The following SIPA1L1 variants were observed in gnomAD, a reference collection of about 807,000 sequenced individuals.
SIPA1L1 encodes the protein signal induced proliferation associated 1 like 1.
SIPA1L1 carries 26 observed loss-of-function variants against 162.7 expected under a neutral mutation model. That is an observed-to-expected ratio of 0.16 (90% confidence interval 0.12 to 0.22). SIPA1L1 has a LOEUF of 0.22. Ranked by LOEUF, SIPA1L1 falls within the 10% of genes least tolerant of loss-of-function variation. SIPA1L1 has a pLI of 1.00. For missense variants in SIPA1L1, 1,874 were observed against 2,241.0 expected (o/e 0.84, Z 3.31); for synonymous variants, 829 against 837.4 (o/e 0.99, Z 0.17).
At chr14:71,543,248 A>C (rs1172716160) in intron 4 of SIPA1L1, among the ~76,000 whole-genome samples, 1 of 152,144 alleles carries the variant, frequency 6.6e-6, no homozygotes, top group Non-Finnish European at 1.5e-5. Context: ...GTTCTTTTTA[A>C]ATTTGGGTAT....
At chr14:71,542,612 C>T (rs560838150) in intron 4 of SIPA1L1, among the ~76,000 whole-genome samples, 166 of 128,878 alleles carry the variant, frequency 1.3e-3, no homozygotes, top group Non-Finnish European at 2.4e-3. Context: ...CTTCCTCCCC[C>T]TCCCCCTCCT....
chr14:71,507,296 G>A (rs193030323), intron 2 of SIPA1L1, among the ~76,000 whole-genome samples: 31 of 151,856 alleles, frequency 2.0e-4, no homozygotes, highest in Non-Finnish European at 4.0e-4. Context: ...TTTTTTTCCC[G>A]CCTGTTTGTT....
At chr14:71,665,829 G>A (rs1466113417) in intron 10 of SIPA1L1, among the ~76,000 whole-genome samples, 2 of 151,988 alleles carry the variant, frequency 1.3e-5, no homozygotes, top group African/African-American at 4.8e-5. Context: ...TCTAAATTAG[G>A]CACAGTAATA....
chr14:71,448,559 A>G (rs991028554), intron 2 of SIPA1L1: 1 of 152,256 alleles, frequency 6.6e-6, no homozygotes, highest in African/African-American at 2.4e-5. Flanking sequence ...TAAAGAAGAC[A>G]TTTCTGAAAT....
At position 71,709,550 on chromosome 14, in the gene SIPA1L1, G is replaced by A. The variant is rs575226257; in HGVS notation, c.4094G>A (p.Arg1365Gln). ...GAGACAGAGAGCCACGGCCTGGACC[G>A]GAAAACAGAGTCTTCCCTGAGCTTA... ...TLETESHGLD[R>Q]KTESSLSLDI... Residue 1365 changes from arginine (R) to glutamine (Q), a missense_variant, in exon 17 of 24, where the codon CGG (arginine) becomes CAG (glutamine). Physicochemically the swap from Arg to Gln is conservative, Grantham distance 43. Coordinates refer to ENST00000381232, the MANE Select transcript of SIPA1L1 (RefSeq NM_001386936.1). 4.0e-5 allele frequency: 64 copies of A among 1,614,154 alleles called. No homozygotes were observed. The highest frequency in any genetic ancestry group is 6.7e-5 in the East Asian group (3 of 44,880).
At chr14:71,496,216 C>T (rs2049767366) in intron 2 of SIPA1L1, among the ~76,000 whole-genome samples, 1 of 152,062 alleles carries the variant, frequency 6.6e-6, no homozygotes, top group South Asian at 2.1e-4. Flanking sequence ...TGCCTGTGGT[C>T]CCAGCTACTC....
chr14:71,426,956 T>C (rs767501939), intron 2 of SIPA1L1, among the ~76,000 whole-genome samples: 25 of 152,220 alleles, frequency 1.6e-4, no homozygotes, highest in Non-Finnish European at 2.6e-4. Flanking sequence ...TCTTAAACCA[T>C]GTAGAAAACA....
chr14:71,510,250 G>A (rs907554622), intron 2 of SIPA1L1, among the ~76,000 whole-genome samples: 1 of 131,700 alleles, frequency 7.6e-6, no homozygotes, highest in Admixed American at 8.8e-5. Flanking sequence ...GCAGTGGCAC[G>A]ATCTTGGCTC....
chr14:71,423,084 CA>C (rs2043304927), intron 2 of SIPA1L1, among the ~76,000 whole-genome samples: 1 of 152,170 alleles, frequency 6.6e-6, no homozygotes, highest in Non-Finnish European at 1.5e-5. Context: ...TGATGTCGAA[CA>C]TTTTTTTATG....
At chr14:71,699,217 C>A in intron 14 of SIPA1L1, 90 bp downstream of exon 14, 2 of 1,248,568 alleles carry the variant, frequency 1.6e-6, no homozygotes, top group Non-Finnish European at 2.3e-6. Context: ...TTCCATTCAG[C>A]CAGCCTTGAT....
intron 2 of SIPA1L1, among the ~76,000 whole-genome samples, chr14:71,327,239 T>C (rs2140218380): frequency 6.6e-6 from 1 of 151,836 alleles, no homozygotes; most frequent in Non-Finnish European, 1.5e-5. Context: ...TGTGCCACCA[T>C]GCCCAGCTAA....
intron 2 of SIPA1L1, among the ~76,000 whole-genome samples, chr14:71,367,206 A>G (rs1329781010): frequency 1.3e-5 from 2 of 151,942 alleles, no homozygotes; most frequent in Non-Finnish European, 2.9e-5. Flanking sequence ...TCATTCTTTT[A>G]ATAGCTGTAT....
chr14:71,674,713 C>T (rs2044933298), intron 12 of SIPA1L1, among the ~76,000 whole-genome samples: 1 of 151,514 alleles, frequency 6.6e-6, no homozygotes, highest in South Asian at 2.1e-4. Flanking sequence ...TACAGGCGCC[C>T]GCCACTACGC....
intron 7 of SIPA1L1, among the ~76,000 whole-genome samples, chr14:71,648,261 G>A (rs779101850): frequency 2.6e-5 from 4 of 152,156 alleles, no homozygotes; most frequent in Admixed American, 6.5e-5. Flanking sequence ...TTGCAATCCC[G>A]CCTGGTCAAC....
intron 5 of SIPA1L1, among the ~76,000 whole-genome samples, chr14:71,600,906 G>C (rs960502003): frequency 2.3e-4 from 35 of 151,976 alleles, no homozygotes; most frequent in Non-Finnish European, 5.9e-5. Context: ...TTCGTTATTG[G>C]TGTAAAGGAA....
chr14:71,591,287 A>G (rs945742558), intron 5 of SIPA1L1, among the ~76,000 whole-genome samples: 1 of 139,654 alleles, frequency 7.2e-6, no homozygotes, highest in Non-Finnish European at 1.5e-5. Context: ...TGTTAACCTT[A>G]TTTTCCAGTT....
intron 18 of SIPA1L1, among the ~76,000 whole-genome samples, chr14:71,724,129 G>A (rs938410564): frequency 2.0e-5 from 3 of 152,210 alleles, no homozygotes; most frequent in Admixed American, 2.0e-4. Context: ...CTTGAAAAGA[G>A]TGTGTTTGAA....
At chr14:71,616,023 C>T (rs1412409669) in intron 5 of SIPA1L1, among the ~76,000 whole-genome samples, 2 of 151,808 alleles carry the variant, frequency 1.3e-5, no homozygotes, top group Non-Finnish European at 2.9e-5. Flanking sequence ...AACAACAAAA[C>T]CAAAAAAAGG....
At chr14:71,472,112 T>C (rs143497214) in intron 2 of SIPA1L1, among the ~76,000 whole-genome samples, 258 of 152,312 alleles carry the variant, frequency 1.7e-3, no homozygotes, top group African/African-American at 5.8e-3. Context: ...GCGAAGTGCA[T>C]GGATGCCCAC....
Sources: allele counts gnomAD v4.1 joint callset (sites outside exome capture counted in the v4.1 genomes callset), GRCh38; gene constraint gnomAD v4.1.1; transcripts MANE v1.5; gene names NCBI Gene and HGNC (gene_info 2026-07-23, HGNC 2026-07-21).